The following RORA variants were observed in gnomAD, a reference collection of about 807,000 sequenced individuals.
RORA encodes the protein nuclear receptor ROR-alpha.
RORA carries 7 observed loss-of-function variants against 69.5 expected under a neutral mutation model. The ratio of observed to expected loss-of-function variants is 0.10; its 90% CI spans 0.06 to 0.19. The LOEUF is 0.19. RORA is among the 10% of genes least tolerant of loss of function. The pLI is 1.00. For missense variants in RORA, 457 were observed against 663.0 expected, an observed-to-expected ratio of 0.69 and a Z score of 3.41; for synonymous variants, 261 against 240.8, an observed-to-expected ratio of 1.08 and a Z score of -0.78.
At chr15:61,094,986 T>C (rs1343181706) in intron 1 of RORA, among the ~76,000 whole-genome samples, 1 of 152,222 alleles carries the variant, frequency 6.6e-6, no homozygotes, top group Non-Finnish European at 1.5e-5. Flanking sequence ...GAGCCCATAG[T>C]CTTTCTGCAT....
chr15:60,570,234 A>C (rs1488959715), intron 2 of RORA, among the ~76,000 whole-genome samples: 2 of 152,166 alleles, frequency 1.3e-5, no homozygotes, highest in Non-Finnish European at 2.9e-5. Context: ...CTGGATGTGA[A>C]GATAAACTGA....
intron 1 of RORA, among the ~76,000 whole-genome samples, chr15:60,794,816 G>A (rs925274526): frequency 1.8e-4 from 27 of 152,144 alleles, no homozygotes; most frequent in African/African-American, 5.8e-4. Context: ...GTTTAGAAGG[G>A]TGCTGTGCCT....
intron 1 of RORA, among the ~76,000 whole-genome samples, chr15:60,788,786 G>T (rs1044174895): frequency 1.3e-5 from 2 of 152,120 alleles, no homozygotes; most frequent in Non-Finnish European, 2.9e-5. Flanking sequence ...CTGTCTGAGG[G>T]TCAGAGCCCC....
intron 1 of RORA, among the ~76,000 whole-genome samples, chr15:60,979,950 T>C (rs1325161640): frequency 6.6e-6 from 1 of 152,206 alleles, no homozygotes; most frequent in Non-Finnish European, 1.5e-5. Context: ...ATCCATATCA[T>C]GTTTCTGATA....
intron 1 of RORA, among the ~76,000 whole-genome samples, chr15:61,053,429 C>A (rs1000800647): frequency 4.6e-5 from 7 of 152,048 alleles, no homozygotes; most frequent in Non-Finnish European, 8.8e-5. Flanking sequence ...CACAGGTAAC[C>A]CCTTGGGCAG....
chr15:61,108,914 A>G (rs1028196624), intron 1 of RORA, among the ~76,000 whole-genome samples: 1 of 152,184 alleles, frequency 6.6e-6, no homozygotes, highest in African/African-American at 2.4e-5. Context: ...TATGATGATA[A>G]CAGGTCAGGC....
chr15:60,497,497 C>T lies in RORA; in HGVS notation c.1530G>A (p.Leu510=), dbSNP rs2065197837. The part of the protein sequence containing the change: ...RLHFPPLYKE[L]FTSEFEPAMQ... ...TTGCTGGCTCAAATTCTGAAGTGAA[C>T]AACTCCTTGTATAATGGAGGAAAAT... Residue 510 remains leucine (L), a synonymous_variant, in exon 11 of 11, where the codon TTG becomes TTA. Coordinates refer to ENST00000335670, the MANE Select transcript of RORA (RefSeq NM_134261.3). The T allele has an allele frequency of 1.1e-5, 18 of 1,614,026 alleles. No homozygotes were observed. Among genetic ancestry groups the T allele is most frequent in the Non-Finnish European group, 1.5e-5 (18 of 1,179,938 alleles).
intron 1 of RORA, among the ~76,000 whole-genome samples, chr15:61,039,788 C>T (rs1387081727): frequency 1.3e-5 from 2 of 149,074 alleles, no homozygotes; most frequent in East Asian, 4.0e-4. Flanking sequence ...TGATAGTTTG[C>T]AAACTTCAAT....
chr15:60,781,424 G>C (rs921091613), intron 1 of RORA, among the ~76,000 whole-genome samples: 45 of 152,192 alleles, frequency 3.0e-4, no homozygotes, highest in African/African-American at 9.9e-4. Context: ...ATTCATTCCA[G>C]TTCCCGGGGC....
chr15:60,981,567 T>C (rs530114079), intron 1 of RORA, among the ~76,000 whole-genome samples: 242 of 152,276 alleles, frequency 1.6e-3, no homozygotes, highest in Admixed American at 3.9e-3. Context: ...TTCTTTGGTC[T>C]GTTCAAATCT....
At chr15:61,177,720 G>C (rs1596049497) in intron 1 of RORA, among the ~76,000 whole-genome samples, 1 of 152,156 alleles carries the variant, frequency 6.6e-6, no homozygotes, top group African/African-American at 2.4e-5. Flanking sequence ...GAGCCCTTTG[G>C]GAGGCTGAGG....
At chr15:60,617,115 G>T (rs1483691994) in intron 2 of RORA, among the ~76,000 whole-genome samples, 1 of 152,180 alleles carries the variant, frequency 6.6e-6, no homozygotes, top group East Asian at 1.9e-4. Flanking sequence ...AGAGGCAGGG[G>T]TGATATGATG....
At chr15:60,547,884 C>T (rs541571029) in intron 2 of RORA, 1 of 152,286 alleles carries the variant, frequency 6.6e-6, no homozygotes, top group East Asian at 1.9e-4. Context: ...GGGCAATGTT[C>T]ACGTGGAAGT....
chr15:60,517,340 G>A (rs997838864), intron 3 of RORA, among the ~76,000 whole-genome samples: 1 of 152,016 alleles, frequency 6.6e-6, no homozygotes, highest in African/African-American at 2.4e-5. Flanking sequence ...ACCTTGACAT[G>A]GGCAAGGCTG....
rs192671408 is a variant in RORA, at chr15:60,669,813, C to T, written c.196+8844G>A. On this transcript the variant is annotated intron_variant, in intron 2 of 10. Transcript: ENST00000335670. ...CATTGAAATGGCAAAATTTCATAGC[C>T]CTGCATTTTCCTGCAATTCTTTCAT... Among the ~76,000 whole-genome samples, 23 of 152,256 alleles carry T rather than the reference C, an allele frequency of 1.5e-4. No individual in the cohort carries two copies. In the East Asian group the frequency reaches 4.1e-3, roughly 27 times the overall value.
intron 1 of RORA, among the ~76,000 whole-genome samples, chr15:60,864,046 C>T (rs1199849209): frequency 3.3e-5 from 5 of 152,158 alleles, no homozygotes; most frequent in African/African-American, 7.2e-5. Context: ...ACCTCGTGAT[C>T]CGCCTGCCAC....
chr15:61,171,279 T>C (rs2079582806), intron 1 of RORA, among the ~76,000 whole-genome samples: 1 of 152,140 alleles, frequency 6.6e-6, no homozygotes, highest in Non-Finnish European at 1.5e-5. Flanking sequence ...TATGCCATCC[T>C]TGTGATCTTG....
chr15:60,828,759 CTCTT>C (rs2072999296), intron 1 of RORA, among the ~76,000 whole-genome samples: 3 of 152,178 alleles, frequency 2.0e-5, no homozygotes, highest in Non-Finnish European at 1.5e-5. Context: ...TTCCTTCTCT[CTCTT>C]CTTCCTGATT....
intron 1 of RORA, among the ~76,000 whole-genome samples, chr15:61,017,324 T>C (rs1214685024): frequency 2.6e-5 from 4 of 152,236 alleles, no homozygotes; most frequent in Non-Finnish European, 4.4e-5. Context: ...GATTGTTACA[T>C]ACAGCATGGC....
Sources: gnomAD v4.1 joint callset for allele counts (sites outside exome capture counted in the v4.1 genomes callset) on GRCh38, gnomAD v4.1.1 for gene constraint, MANE v1.5 for transcripts, NCBI Gene and HGNC (gene_info 2026-07-23, HGNC 2026-07-21) for gene names.